Variants in MYOZ2 observed in about 807,000 individuals in gnomAD.
The protein encoded by MYOZ2 is myozenin 2.
In MYOZ2, 19 loss-of-function variants were observed where a neutral mutation model predicts 25.4. The observed-to-expected ratio is 0.75, with a 90% CI of 0.52 to 1.10. The LOEUF is 1.10. Ranked by LOEUF, MYOZ2 falls within the 50% of genes least tolerant of loss-of-function variation. MYOZ2 has a pLI of 0.00. For synonymous variants in MYOZ2, 92 were observed against 106.9 expected (o/e 0.86, Z 0.86); for missense variants, 270 against 317.9 (o/e 0.85, Z 1.15).
chr4:119,163,570 G>A (rs1347757638), intron 4 of MYOZ2, among the ~76,000 whole-genome samples: 1 of 152,184 alleles, frequency 6.6e-6, no homozygotes, highest in Non-Finnish European at 1.5e-5. Context: ...AACTGGGGAG[G>A]TGAGATCAGA....
intron 3 of MYOZ2, among the ~76,000 whole-genome samples, chr4:119,154,584 T>C (rs1741527437): frequency 6.6e-6 from 1 of 152,144 alleles, no homozygotes; most frequent in African/African-American, 2.4e-5. Context: ...TGGAAATTAA[T>C]GTAGGTAGAA....
intron 3 of MYOZ2, among the ~76,000 whole-genome samples, chr4:119,153,568 T>A (rs1198469305): frequency 6.6e-6 from 1 of 152,128 alleles, no homozygotes; most frequent in Non-Finnish European, 1.5e-5. Context: ...AAGCTTTTAC[T>A]TTTACTGCTT....
chr4:119,163,929 G>A lies in MYOZ2; in HGVS notation c.377-282G>A, dbSNP rs189259565. On this transcript the variant is annotated intron_variant, in intron 4 of 5. Transcript: ENST00000307128. Reference sequence around the variant, plus strand: ...CAATTTTTAGAAAACTAAATGAACAGTTTTACTGGAAAAATATATATACTA... The same window carrying A: ...CAATTTTTAGAAAACTAAATGAACAATTTTACTGGAAAAATATATATACTA... Among the ~76,000 whole-genome samples, 39 of 152,100 alleles carry A rather than the reference G, an allele frequency of 2.6e-4. No individual in the cohort carries two copies. The East Asian group carries it at 4.5e-3, about 17-fold the overall frequency.
At chr4:119,144,814 A>G (rs1741249220) in intron 2 of MYOZ2, among the ~76,000 whole-genome samples, 1 of 152,050 alleles carries the variant, frequency 6.6e-6, no homozygotes, top group Non-Finnish European at 1.5e-5. Context: ...TTTAATAGTG[A>G]ATTTTGATAG....
intron 2 of MYOZ2, 63 bp downstream of exon 2, chr4:119,136,664 G>C: frequency 6.7e-7 from 1 of 1,495,188 alleles, no homozygotes; most frequent in Admixed American, 1.7e-5. Flanking sequence ...CCATCCTGAC[G>C]TTGTTTAATA....
rs72234680 is a variant in MYOZ2, at chr4:119,182,995, AAC to A, written c.561-2965_561-2964del. 8.6e-3 allele frequency among the ~76,000 whole-genome samples: 1,308 copies of A among 152,324 alleles called. 50 individuals are homozygous for A. Among genetic ancestry groups the A allele is most frequent in the Admixed American group, 0.073 (1,124 of 15,306 alleles). On this transcript the variant is annotated intron_variant, in intron 5 of 5. Coordinates refer to ENST00000307128, the MANE Select transcript of MYOZ2 (RefSeq NM_016599.5). ...GTTTTAATTAATTCTTTAATAAAAAAACACACAGAAATTAAGGTAGTCAAGAA... is the reference window on the plus strand; with the variant it reads ...GTTTTAATTAATTCTTTAATAAAAAAACACAGAAATTAAGGTAGTCAAGAA...
At chr4:119,160,695 T>A (rs1210599064) in intron 4 of MYOZ2, among the ~76,000 whole-genome samples, 1 of 151,996 alleles carries the variant, frequency 6.6e-6, no homozygotes, top group Non-Finnish European at 1.5e-5. Flanking sequence ...CTTTTCTGTA[T>A]CTTAATTTTC....
intron 2 of MYOZ2, among the ~76,000 whole-genome samples, chr4:119,137,530 A>G (rs1741059397): frequency 6.6e-6 from 1 of 152,150 alleles, no homozygotes; most frequent in Admixed American, 6.6e-5. Flanking sequence ...ACCCGGGAAG[A>G]GTATTGAGCA....
At chr4:119,155,517 A>C (rs986127824) in intron 3 of MYOZ2, among the ~76,000 whole-genome samples, 1 of 152,188 alleles carries the variant, frequency 6.6e-6, no homozygotes, top group African/African-American at 2.4e-5. Flanking sequence ...GTCTTAGAGG[A>C]AACCTAGGAT....
At chr4:119,173,487 T>C (rs1019856061) in intron 5 of MYOZ2, among the ~76,000 whole-genome samples, 6 of 152,254 alleles carry the variant, frequency 3.9e-5, no homozygotes, top group Non-Finnish European at 8.8e-5. Flanking sequence ...GACTCTCTTT[T>C]AATTTGTGTG....
chr4:119,185,405 C>T (rs2149230612), intron 5 of MYOZ2, among the ~76,000 whole-genome samples: 1 of 152,272 alleles, frequency 6.6e-6, no homozygotes, highest in South Asian at 2.1e-4. Flanking sequence ...ACCTCCGCCT[C>T]CTGGGTTCAA....
chr4:119,151,569 C>T (rs2149221655), intron 3 of MYOZ2, among the ~76,000 whole-genome samples: 1 of 152,020 alleles, frequency 6.6e-6, no homozygotes, highest in South Asian at 2.1e-4. Flanking sequence ...ACTCTTTGGA[C>T]AGAGATTTCC....
At position 119,136,544 on chromosome 4, in the gene MYOZ2, A is replaced by G. The variant is rs746027670; in HGVS notation, c.19A>G (p.Met7Val). 7.4e-6 allele frequency: 12 copies of G among 1,613,536 alleles called. No individual in the cohort carries two copies. Among genetic ancestry groups the G allele is most frequent in the African/African-American group, 6.7e-5 (5 of 74,924 alleles). Reference protein sequence around the residue: MLSHNTMMKQRKQQATA... With the variant: MLSHNTVMKQRKQQATA... The stretch of plus-strand genomic sequence containing the variant: ...AAAAACCATGCTATCACATAATACT[A>G]TGATGAAGCAGAGAAAACAGCAAGC... The change falls in exon 2 of 6, where the codon ATG becomes GTG. Residue 7 changes from methionine (M) to valine (V), a missense_variant. Physicochemically the swap from Met to Val is conservative, Grantham distance 21. Transcript: ENST00000307128.
Position 119,154,010 on chromosome 4 carries a change from C to T in MYOZ2, c.246+2969C>T, listed in dbSNP as rs143868648. 5.1e-3 allele frequency among the ~76,000 whole-genome samples: 780 copies of T among 152,140 alleles called. 5 individuals are homozygous for T. Among genetic ancestry groups the T allele is most frequent in the African/African-American group, 0.018 (761 of 41,532 alleles). On this transcript the variant is annotated intron_variant, in intron 3 of 5. Coordinates refer to ENST00000307128, the MANE Select transcript of MYOZ2 (RefSeq NM_016599.5). ...ATTAAAATTCTCTTCTTATCAGTTA[C>T]TGCAAAAGGATATTATATTTTTTGA... is the stretch of plus-strand genomic sequence containing the variant.
intron 3 of MYOZ2, among the ~76,000 whole-genome samples, chr4:119,155,552 A>G (rs998093084): frequency 5.3e-5 from 8 of 152,140 alleles, no homozygotes; most frequent in African/African-American, 1.9e-4. Context: ...AACAGAAAAG[A>G]GGGCATTCAA....
chr4:119,150,591 T>C (rs955540541), intron 2 of MYOZ2, among the ~76,000 whole-genome samples: 1 of 151,840 alleles, frequency 6.6e-6, no homozygotes, highest in African/African-American at 2.4e-5. Flanking sequence ...ATTGTACTAG[T>C]AGTAATTACA....
At chr4:119,160,975 T>C (rs1741695862) in intron 4 of MYOZ2, among the ~76,000 whole-genome samples, 1 of 151,996 alleles carries the variant, frequency 6.6e-6, no homozygotes, top group Non-Finnish European at 1.5e-5. Flanking sequence ...TACAGTGTTA[T>C]AGAAGACTAT....
At chr4:119,179,925 C>A (rs879334464) in intron 5 of MYOZ2, among the ~76,000 whole-genome samples, 2 of 152,218 alleles carry the variant, frequency 1.3e-5, no homozygotes, top group African/African-American at 2.4e-5. Context: ...TGGTAATTTC[C>A]CAAAGGTCTC....
intron 5 of MYOZ2, among the ~76,000 whole-genome samples, chr4:119,179,067 A>C (rs188687668): frequency 1.3e-5 from 2 of 152,376 alleles, no homozygotes; most frequent in East Asian, 3.9e-4. Flanking sequence ...TTAGAAATGC[A>C]AATCAGGTCG....
Sources: gnomAD v4.1 joint callset for allele counts (sites outside exome capture counted in the v4.1 genomes callset) on GRCh38, gnomAD v4.1.1 for gene constraint, MANE v1.5 for transcripts, NCBI Gene and HGNC (gene_info 2026-07-23, HGNC 2026-07-21) for gene names.